Variants in SERPINB3 observed in about 807,000 individuals in gnomAD.
SERPINB3 encodes serpin family B member 3.
In SERPINB3, 33 loss-of-function variants were observed where a neutral mutation model predicts 33.0. The ratio of observed to expected loss-of-function variants is 1.00; its 90% confidence interval spans 0.76 to 1.34. The LOEUF (loss-of-function observed/expected upper bound fraction) is 1.34. Ranked by LOEUF, SERPINB3 falls within the 40% of genes most tolerant of loss-of-function variation. The pLI is 0.00. For missense variants in SERPINB3, 518 were observed against 461.5 expected (o/e 1.12, Z -1.12); for synonymous variants, 200 against 170.9 (o/e 1.17, Z -1.33).
Position 63,655,834 on chromosome 18 carries a change from G to A in SERPINB3, c.996C>T (p.Ala332=), listed in dbSNP as rs1369960338. 2 of 1,613,970 alleles carry A rather than the reference G, an allele frequency of 1.2e-6. No individual in the cohort carries two copies. Among genetic ancestry groups the A allele is most frequent in the Non-Finnish European group, 1.7e-6 (2 of 1,179,952 alleles). ...CTCCCTCCTCTGTAACCTCCACAAA[G>A]GCCTTGTGTAGGACTCCAGATAGCA... is the stretch of plus-strand genomic sequence containing the variant. The part of the protein sequence containing the change: ...GLVLSGVLHK[A]FVEVTEEGAE... Residue 332 remains alanine (A), a synonymous_variant, in exon 8 of 8, where the codon GCC becomes GCT. Transcript: ENST00000283752.
chr18:63,661,489 T>C (rs1192223333), intron 1 of SERPINB3, among the ~76,000 whole-genome samples: 1 of 152,138 alleles, frequency 6.6e-6, no homozygotes, highest in Non-Finnish European at 1.5e-5. Context: ...AGACCCTCTT[T>C]CCTTCATTGC....
intron 6 of SERPINB3, 47 bp from the exon 7 acceptor site, chr18:63,657,033 C>T (rs1196363024): frequency 6.7e-7 from 1 of 1,492,980 alleles, no homozygotes; most frequent in Non-Finnish European, 9.1e-7. Context: ...AGACACAAGG[C>T]AAAAAGATAA....
At position 63,656,931 on chromosome 18, in the gene SERPINB3, G is replaced by C. The variant is rs151099886; in HGVS notation, c.668C>G (p.Ser223Trp). The C allele has an allele frequency of 3.1e-6, 5 of 1,613,058 alleles. No homozygotes were observed. The highest frequency in any genetic ancestry group is 1.6e-4 in the Middle Eastern group (1 of 6,076). ...GACCTTGGCCTGTACATCCTCCAGC[G>C]AGGCAAAATGAAAAGATGTGTATTG... ...MRQYTSFHFA[S>W]LEDVQAKVLE... is the part of the protein sequence containing the mutation. The change falls in exon 7 of 8, where the codon TCG (serine) becomes TGG (tryptophan). Residue 223 changes from serine to tryptophan, a missense_variant. Transcript: ENST00000283752.
chr18:63,661,338 G>A lies in SERPINB3; in HGVS notation c.-26-96C>T, dbSNP rs573526343. Reference sequence around the variant, plus strand: ...TAAAGAAATTATATATCTGTGTTGTGAGATTTTGACATTTAAAGTTTTCCT... The same window carrying A: ...TAAAGAAATTATATATCTGTGTTGTAAGATTTTGACATTTAAAGTTTTCCT... On this transcript the variant is annotated intron_variant, in intron 1 of 7. Transcript: ENST00000283752. The A allele has an allele frequency of 4.8e-4, 658 of 1,357,548 alleles. 5 individuals are homozygous for A. In the South Asian group the frequency reaches 5.7e-3, roughly 12 times the overall value. The allele number at this position is 1,357,548 out of a possible 1,614,324, so 84.1% of individuals were successfully genotyped here.
chr18:63,658,716 A>T, intron 4 of SERPINB3, 86 bp from the exon 5 acceptor site: 3 of 1,060,426 alleles, frequency 2.8e-6, no homozygotes, highest in South Asian at 3.0e-5. Context: ...TAATTATAGT[A>T]AGCTGAATCC....
chr18:63,661,570 A>G (rs1913647792), intron 1 of SERPINB3, among the ~76,000 whole-genome samples: 2 of 151,952 alleles, frequency 1.3e-5, no homozygotes, highest in African/African-American at 2.4e-5. Flanking sequence ...GATCACATCC[A>G]ACCAGCTGTT....
At position 63,655,816 on chromosome 18, in the gene SERPINB3, C is replaced by G. The variant is rs1343006650; in HGVS notation, c.1014G>C (p.Glu338Asp). The change falls in exon 8 of 8, where the codon GAG becomes GAC. Residue 338 changes from glutamate to aspartate, a missense_variant. Coordinates refer to ENST00000283752, the MANE Select transcript of SERPINB3 (RefSeq NM_006919.3). Reference protein sequence around the residue: ...VLHKAFVEVTEEGAEAAAATA... With the variant: ...VLHKAFVEVTDEGAEAAAATA... Reference sequence around the variant, plus strand: ...TGGCAGCTGCAGCTTCTGCTCCCTCCTCTGTAACCTCCACAAAGGCCTTGT... The same window carrying G: ...TGGCAGCTGCAGCTTCTGCTCCCTCGTCTGTAACCTCCACAAAGGCCTTGT... 1.2e-6 allele frequency: 2 copies of G among 1,613,864 alleles called. No homozygotes were observed. Among genetic ancestry groups the G allele is most frequent in the Admixed American group, 3.3e-5 (2 of 59,968 alleles).
chr18:63,658,599 T>C lies in SERPINB3; in HGVS notation c.383A>G (p.Gln128Arg), dbSNP rs1913559117. The C allele has an allele frequency of 6.2e-7, 1 of 1,612,790 alleles. No individual in the cohort carries two copies. The highest frequency in any genetic ancestry group is 8.5e-7 in the Non-Finnish European group (1 of 1,179,154). Reference sequence around the variant, plus strand: ...AAAATCAACAGATTCCACACTGGTCTGGTAAAATTTCTTGATGGCATCTAA... The same window carrying C: ...AAAATCAACAGATTCCACACTGGTCCGGTAAAATTTCTTGATGGCATCTAA... ...EYLDAIKKFY[Q>R]TSVESVDFAN... The change falls in exon 5 of 8, where the codon CAG becomes CGG. Residue 128 changes from glutamine to arginine, a missense_variant. By Grantham distance (43) the Gln-to-Arg change is conservative. Coordinates refer to ENST00000283752, the MANE Select transcript of SERPINB3 (RefSeq NM_006919.3).
chr18:63,658,467 C>T (rs201259676), intron 5 of SERPINB3, 46 bp downstream of exon 5: 678 of 1,530,802 alleles, frequency 4.4e-4, no homozygotes, highest in Non-Finnish European at 2.8e-4. Context: ...AGGGCTCACT[C>T]GCATAGATTT....
chr18:63,661,169 G>A lies in SERPINB3; in HGVS notation c.48C>T (p.Phe16=). The A allele has an allele frequency of 1.2e-6, 2 of 1,613,586 alleles. No individual in the cohort carries two copies. Among genetic ancestry groups the A allele is most frequent in the Non-Finnish European group, 1.7e-6 (2 of 1,179,610 alleles). Residue 16 remains phenylalanine (F), a synonymous_variant, in exon 2 of 8, where the codon TTC becomes TTT. Coordinates refer to ENST00000283752, the MANE Select transcript of SERPINB3 (RefSeq NM_006919.3). ...EANTKFMFDL[F]QQFRKSKENN... is the part of the protein sequence containing the mutation. Reference sequence around the variant, plus strand: ...TCTCTTTTGATTTTCTGAACTGTTGGAACAGGTCGAACATGAACTTGGTGT... The same window carrying A: ...TCTCTTTTGATTTTCTGAACTGTTGAAACAGGTCGAACATGAACTTGGTGT...
chr18:63,655,308 T>G lies in SERPINB3; in HGVS notation c.*349A>C, dbSNP rs1913462983. On this transcript the variant is annotated 3_prime_UTR_variant, in exon 8 of 8. Transcript: ENST00000283752. ...TTCAAAGAAATGTGTGTTTCTAGGT[T>G]GCTAAATTCAAAGAAAAAGTATGAT... 5.4e-6 allele frequency: 1 copy of G among 183,586 alleles called. No homozygotes were observed. Among genetic ancestry groups the G allele is most frequent in the Non-Finnish European group, 1.1e-5 (1 of 88,122 alleles). 11.4% of individuals were successfully genotyped at this position (183,586 alleles called of 1,614,324 possible).
rs369785789 is a variant in SERPINB3 at position 63,659,440 on chromosome 18, C to G, written c.310G>C (p.Ala104Pro). 2.5e-6 allele frequency: 4 copies of G among 1,613,514 alleles called. No individual in the cohort carries two copies. The highest frequency in any genetic ancestry group is 1.3e-5 in the African/African-American group (1 of 74,986). Reference sequence around the variant, plus strand: ...GTTTTTTCTCCGAAGAGCTTGTTGGCGATCTTCAGCTCATATGCATCAGTG... The same window carrying G: ...GTTTTTTCTCCGAAGAGCTTGTTGGGGATCTTCAGCTCATATGCATCAGTG... Reference protein sequence around the residue: ...KSTDAYELKIANKLFGEKTYL... With the variant: ...KSTDAYELKIPNKLFGEKTYL... Residue 104 changes from alanine to proline, a missense_variant, in exon 4 of 8, where the codon GCC (alanine) becomes CCC (proline). Coordinates refer to ENST00000283752, the MANE Select transcript of SERPINB3 (RefSeq NM_006919.3).
intron 7 of SERPINB3, 94 bp from the exon 8 acceptor site, chr18:63,656,155 G>T: frequency 7.0e-7 from 1 of 1,430,526 alleles, no homozygotes; most frequent in Non-Finnish European, 9.4e-7. Context: ...CCTTATTTTG[G>T]CAACAAATGT....
At chr18:63,656,122 A>G (rs1913489941) in intron 7 of SERPINB3, 61 bp from the exon 8 acceptor site, 12 of 1,551,392 alleles carry the variant, frequency 7.7e-6, no homozygotes, top group Non-Finnish European at 1.0e-5. Flanking sequence ...ACACCTTAAC[A>G]ATGAATTGAC....
At position 63,655,883 on chromosome 18, in the gene SERPINB3, C is replaced by T. The variant is rs768646518; in HGVS notation, c.947G>A (p.Gly316Asp). 12 of 1,613,826 alleles carry T rather than the reference C, an allele frequency of 7.4e-6. No homozygotes were observed. In the South Asian group the frequency reaches 8.8e-5, roughly 12 times the overall value. Residue 316 changes from glycine to aspartate, a missense_variant, in exon 8 of 8, where the codon GGC becomes GAC. Coordinates refer to ENST00000283752, the MANE Select transcript of SERPINB3 (RefSeq NM_006919.3). ...DIFNGDADLS[G>D]MTGSRGLVLS... is the part of the protein sequence containing the mutation. ...CACGAGACCGCGGCTCCCGGTCATGCCTGAGAGGTCTGCATCCCCATTGAA... is the reference window on the plus strand; with the variant it reads ...CACGAGACCGCGGCTCCCGGTCATGTCTGAGAGGTCTGCATCCCCATTGAA...
intron 1 of SERPINB3, 85 bp from the exon 2 acceptor site, chr18:63,661,327 A>G (rs1166481979): frequency 1.4e-6 from 2 of 1,414,840 alleles, no homozygotes; most frequent in Non-Finnish European, 1.9e-6. Flanking sequence ...GAAATTATAT[A>G]TCTGTGTTGT....
chr18:63,656,610 C>T (rs991426347), intron 7 of SERPINB3, among the ~76,000 whole-genome samples: 1 of 152,104 alleles, frequency 6.6e-6, no homozygotes, highest in Non-Finnish European at 1.5e-5. Context: ...AATTGATATC[C>T]AATGCATGTA....
At chr18:63,657,434 A>C in intron 5 of SERPINB3, 22 bp from the exon 6 acceptor site, 2 of 1,569,514 alleles carry the variant, frequency 1.3e-6, no homozygotes, top group Non-Finnish European at 1.7e-6. Flanking sequence ...AGAATAAAAG[A>C]GTCTTTTACA....
Position 63,660,800 on chromosome 18 carries a change from A to G in SERPINB3, c.222T>C (p.His74=), listed in dbSNP as rs1913621923. The change falls in exon 3 of 8, where the codon CAT becomes CAC. Residue 74 remains histidine (H), a splice_region_variant and synonymous_variant. Coordinates refer to ENST00000283752, the MANE Select transcript of SERPINB3 (RefSeq NM_006919.3). Reference sequence around the variant, plus strand: ...TGAACCATAGTGCTCTGTGACTCACATGATATGTTGCAGCTTTTCCTGTGG... The same window carrying G: ...TGAACCATAGTGCTCTGTGACTCACGTGATATGTTGCAGCTTTTCCTGTGG... The part of the protein sequence containing the change: ...ENTTGKAATY[H]VDRSGNVHHQ... The G allele has an allele frequency of 1.9e-6, 3 of 1,613,372 alleles. No homozygotes were observed. The highest frequency in any genetic ancestry group is 2.5e-6 in the Non-Finnish European group (3 of 1,179,572).
Sources: allele counts gnomAD v4.1 joint callset (sites outside exome capture counted in the v4.1 genomes callset), GRCh38; gene constraint gnomAD v4.1.1; transcripts MANE v1.5; gene names NCBI Gene and HGNC (gene_info 2026-07-23, HGNC 2026-07-21).